The following CELF1 variants were observed in gnomAD, a reference collection of about 807,000 sequenced individuals.
CELF1 encodes 50 kDa nuclear polyadenylated RNA-binding protein.
CELF1 carries 10 observed loss-of-function variants against 61.8 expected under a neutral mutation model. That is an observed-to-expected ratio of 0.16 (90% confidence interval 0.10 to 0.27). CELF1 has a LOEUF of 0.27. Among genes scored for constraint, CELF1 ranks in the 10% least tolerant of loss-of-function variants. The probability of loss-of-function intolerance (pLI) is 1.00; values close to 1 mark genes in which losing one functional copy is unlikely to be tolerated. For missense variants in CELF1, 380 were observed against 639.1 expected, an observed-to-expected ratio of 0.59 and a Z score of 4.37; for synonymous variants, 236 against 225.1, an observed-to-expected ratio of 1.05 and a Z score of -0.43.
intron 1 of CELF1, among the ~76,000 whole-genome samples, chr11:47,542,425 T>C (rs1461198675): frequency 2.6e-5 from 4 of 152,022 alleles, no homozygotes; most frequent in Admixed American, 6.6e-5. Flanking sequence ...CACATCAAAT[T>C]TGATTAAGTG....
chr11:47,558,480 A>C (rs1254208046), intron 2 of CELF1, among the ~76,000 whole-genome samples: 4 of 125,072 alleles, frequency 3.2e-5, no homozygotes, highest in African/African-American at 1.3e-4. Context: ...CCTCATATAT[A>C]TATTATATAT....
rs151322554 is a variant in CELF1 at position 47,536,802 on chromosome 11, C to G, written c.-154+16190G>C. 5.2e-4 allele frequency among the ~76,000 whole-genome samples: 79 copies of G among 152,098 alleles called. 3 individuals carry two copies. The highest frequency in any genetic ancestry group is 1.8e-3 in the African/African-American group (74 of 41,494). On this transcript the variant is annotated intron_variant, in intron 1 of 14. Coordinates refer to ENST00000687097, the MANE Select transcript of CELF1 (RefSeq NM_001376376.1). ...TAAAAATTGCACTTGTAAATGTATG[C>G]AGAGACTATTAAACAGAAATAGCAC...
rs184028099 is a variant in CELF1 at position 47,471,733 on chromosome 11, C to A, written c.*497G>T. The A allele has an allele frequency of 1.9e-3, 290 of 153,422 alleles. 1 individual carries two copies. Among genetic ancestry groups the A allele is most frequent in the Middle Eastern group, 0.013 (4 of 298 alleles). 9.5% of individuals were successfully genotyped at this position (153,422 alleles called of 1,614,324 possible). ...TCTTCCCCAAAGCCGCTCTGCTCCCCACAGCTCCCAGGTGTCAGTTCTCAT... is the reference window on the plus strand; with the variant it reads ...TCTTCCCCAAAGCCGCTCTGCTCCCAACAGCTCCCAGGTGTCAGTTCTCAT... On this transcript the variant is annotated 3_prime_UTR_variant, in exon 15 of 15. Transcript: ENST00000687097.
At chr11:47,515,386 A>G (rs2153626176) in intron 1 of CELF1, among the ~76,000 whole-genome samples, 1 of 152,254 alleles carries the variant, frequency 6.6e-6, no homozygotes, top group South Asian at 2.1e-4. Context: ...ACCTTTCCAT[A>G]ATATTCATGA....
chr11:47,516,612 T>G (rs111308344), intron 1 of CELF1, among the ~76,000 whole-genome samples: 22 of 152,076 alleles, frequency 1.4e-4, no homozygotes, highest in African/African-American at 3.4e-4. Context: ...TTTTTTTTTT[T>G]TTGTTTGAGA....
chr11:47,496,833 C>G (rs1192276108), intron 3 of CELF1, among the ~76,000 whole-genome samples: 4 of 152,068 alleles, frequency 2.6e-5, no homozygotes, highest in Admixed American at 1.3e-4. Context: ...TCAGAGAGAC[C>G]CAGTGAAGGG....
intron 1 of CELF1, among the ~76,000 whole-genome samples, chr11:47,535,995 C>T (rs1208126461): frequency 6.6e-6 from 1 of 152,088 alleles, no homozygotes; most frequent in Admixed American, 6.5e-5. Context: ...ATCTCCTGAC[C>T]TTGTGATCCG....
chr11:47,547,091 A>AAAAAAAAAG (rs1390852543), intron 1 of CELF1, among the ~76,000 whole-genome samples: 37 of 138,674 alleles, frequency 2.7e-4, no homozygotes, highest in Non-Finnish European at 5.7e-4. Context: ...AAAAAAAAAA[A>AAAAAAAAAG]AAGAAAGAAA....
intron 9 of CELF1, among the ~76,000 whole-genome samples, chr11:47,481,484 C>T (rs75818156): frequency 0.027 from 4,128 of 152,134 alleles, 60 homozygotes; most frequent in Middle Eastern, 0.075. Context: ...GGAACTAAAC[C>T]AAAATTCAGT....
rs776538692 is a variant in CELF1 at position 47,475,499 on chromosome 11, G to A, written c.1110C>T (p.Gly370=). 53 of 1,613,822 alleles carry A rather than the reference G, an allele frequency of 3.3e-5. 1 individual carries two copies. Among genetic ancestry groups the A allele is most frequent in the Non-Finnish European group, 4.2e-5 (49 of 1,180,042 alleles). The part of the protein sequence containing the change: ...SLAGMAALNG[G]LGSSGLSNGT... ...CATTGGAAAGGCCACTGCTGCCCAGGCCACCATTTAAAGCAGCCATTCCTT... is the reference window on the plus strand; with the variant it reads ...CATTGGAAAGGCCACTGCTGCCCAGACCACCATTTAAAGCAGCCATTCCTT... The change falls in exon 13 of 15, where the codon GGC becomes GGT. Residue 370 remains glycine (G), a synonymous_variant. Coordinates refer to ENST00000687097, the MANE Select transcript of CELF1 (RefSeq NM_001376376.1).
chr11:47,487,759 A>G (rs1303162693), intron 4 of CELF1, among the ~76,000 whole-genome samples: 1 of 152,252 alleles, frequency 6.6e-6, no homozygotes, highest in Non-Finnish European at 1.5e-5. Flanking sequence ...ACCTCTTAAC[A>G]TCTTTTTTTG....
chr11:47,522,829 A>G (rs943329215), intron 1 of CELF1, among the ~76,000 whole-genome samples: 38 of 131,152 alleles, frequency 2.9e-4, no homozygotes, highest in African/African-American at 8.3e-4. Context: ...CCATCTCCAG[A>G]AAAAAAAAAA....
rs1419135615 is a variant in CELF1, at chr11:47,469,946, GACAGA to G, written c.*2279_*2283del. ...GAGTGGCGTTCTGGCTAAGGAGGAAGACAGAACAGAAGGCTAGGGAGCACAGCACC... is the reference window on the plus strand; with the variant it reads ...GAGTGGCGTTCTGGCTAAGGAGGAAGACAGAAGGCTAGGGAGCACAGCACC... On this transcript the variant is annotated 3_prime_UTR_variant, in exon 15 of 15. Transcript: ENST00000687097. 1 of 152,330 alleles carries G rather than the reference GACAGA, an allele frequency of 6.6e-6. No individual in the cohort carries two copies. The highest frequency in any genetic ancestry group is 1.5e-5 in the Non-Finnish European group (1 of 68,130). The allele number at this position is 152,330 out of a possible 1,614,324, so 9.4% of individuals were successfully genotyped here. A position where few individuals can be genotyped will look rare whatever the true frequency, so the allele number is the denominator to read the frequency against.
At chr11:47,486,290 TTC>T (rs530251095) in intron 6 of CELF1, among the ~76,000 whole-genome samples, 2 of 151,956 alleles carry the variant, frequency 1.3e-5, no homozygotes, top group African/African-American at 4.8e-5. Context: ...CTTATAATAT[TTC>T]TCTGTCAGCT....
At chr11:47,511,026 GA>G (rs113808712) in intron 1 of CELF1, among the ~76,000 whole-genome samples, 2,430 of 145,622 alleles carry the variant, frequency 0.017, 51 homozygotes, top group African/African-American at 0.05. Flanking sequence ...TACCCAAAAA[GA>G]AAAAAAAAAA....
intron 13 of CELF1, among the ~76,000 whole-genome samples, chr11:47,475,037 A>G (rs1359316380): frequency 6.6e-6 from 1 of 152,246 alleles, no homozygotes; most frequent in Admixed American, 6.5e-5. Context: ...AAGACCTCCT[A>G]ACAGAAACAT....
At chr11:47,553,133 C>T (rs1298273274), upstream of CELF1, 5 of 396,168 alleles carry the variant, frequency 1.3e-5, no homozygotes, top group African/African-American at 2.1e-5. Flanking sequence ...AGCAGAACAC[C>T]CCAAAATGGC....
At chr11:47,500,814 A>G (rs1410721872) in intron 2 of CELF1, 47 bp downstream of exon 2, 2 of 398,290 alleles carry the variant, frequency 5.0e-6, no homozygotes, top group Admixed American at 4.4e-5. Context: ...GAAGGCTCCC[A>G]AATTTCACAG....
chr11:47,534,153 G>T (rs1007097609), intron 1 of CELF1, among the ~76,000 whole-genome samples: 1 of 144,982 alleles, frequency 6.9e-6, no homozygotes. Flanking sequence ...CTCAGCCTCC[G>T]AAGTAGCTGA....
Sources: allele counts gnomAD v4.1 joint callset (sites outside exome capture counted in the v4.1 genomes callset), GRCh38; gene constraint gnomAD v4.1.1; transcripts MANE v1.5; gene names NCBI Gene and HGNC (gene_info 2026-07-23, HGNC 2026-07-21).